The following EIF5 variants were observed in gnomAD, a reference collection of about 807,000 sequenced individuals.
The protein encoded by EIF5 is eukaryotic translation initiation factor 5.
In EIF5, 10 loss-of-function variants were observed where a neutral mutation model predicts 48.3. The ratio of observed to expected loss-of-function variants is 0.21; its 90% CI spans 0.13 to 0.35. The LOEUF (loss-of-function observed/expected upper bound fraction) is 0.35, where lower values mean the gene tolerates loss of function less well. Ranked by LOEUF, EIF5 falls within the 10% of genes least tolerant of loss-of-function variation. The probability of loss-of-function intolerance (pLI) is 1.00; values close to 1 mark genes in which losing one functional copy is unlikely to be tolerated. For synonymous variants in EIF5, 237 were observed against 173.1 expected (o/e 1.37, Z -2.90); for missense variants, 397 against 533.2 (o/e 0.74, Z 2.51).
At chr14:103,337,643 T>C (rs141397866) in intron 6 of EIF5, 4 of 328,842 alleles carry the variant, frequency 1.2e-5, no homozygotes, top group African/African-American at 6.6e-5. Flanking sequence ...CTATATTTTA[T>C]CAAATCTAAG....
Position 103,341,081 on chromosome 14 carries a change from A to G in EIF5, c.*29A>G. 1 of 1,605,384 alleles carries G rather than the reference A, an allele frequency of 6.2e-7. No homozygotes were observed. The highest frequency in any genetic ancestry group is 8.5e-7 in the Non-Finnish European group (1 of 1,172,608). ...GATGGATGCAACCTAGCTTAACAGT[A>G]TAATGCTGCAAATTTTCCTCCATTA... On this transcript the variant is annotated 3_prime_UTR_variant, in exon 12 of 12. Transcript: ENST00000216554.
At position 103,343,781 on chromosome 14, in the gene EIF5, A is replaced by G. The variant is rs925183056; in HGVS notation, c.*2729A>G. On this transcript the variant is annotated 3_prime_UTR_variant, in exon 12 of 12. Coordinates refer to ENST00000216554, the MANE Select transcript of EIF5 (RefSeq NM_001969.5). ...TCAGTCCTCATCGTGGTCCTGAGGCATAGGTACTGTTGTACCAAGGTCACT... is the reference window on the plus strand; with the variant it reads ...TCAGTCCTCATCGTGGTCCTGAGGCGTAGGTACTGTTGTACCAAGGTCACT... 35 of 152,368 alleles carry G rather than the reference A, an allele frequency of 2.3e-4. No homozygotes were observed. Among genetic ancestry groups the G allele is most frequent in the African/African-American group, 7.2e-4 (30 of 41,592 alleles). The allele number at this position is 152,368 out of a possible 1,614,324, so 9.4% of individuals were successfully genotyped here.
chr14:103,340,119 G>C (rs983978605), intron 10 of EIF5, among the ~76,000 whole-genome samples: 1 of 152,194 alleles, frequency 6.6e-6, no homozygotes, highest in Admixed American at 6.5e-5. Flanking sequence ...CCAAAGTGCT[G>C]AGGTTACAGG....
rs576014795 is a variant in EIF5 at position 103,339,951 on chromosome 14, C to T, written c.1071+148C>T. ...TCAGCTCCCTGAAACCTCCACGTCC[C>T]GGCTTCAAGTGATTCTCCTGCCTCA... On this transcript the variant is annotated intron_variant, in intron 10 of 11. Coordinates refer to ENST00000216554, the MANE Select transcript of EIF5 (RefSeq NM_001969.5). 28 of 924,822 alleles carry T rather than the reference C, an allele frequency of 3.0e-5. 1 individual carries two copies. The highest frequency in any genetic ancestry group is 1.0e-4 in the African/African-American group (6 of 59,482). 57.3% of individuals were successfully genotyped at this position (924,822 alleles called of 1,614,324 possible). A position where few individuals can be genotyped will look rare whatever the true frequency, so the allele number is the denominator to read the frequency against.
In EIF5 at chr14:103,335,908, C is replaced by T. The variant is rs1289584087; in HGVS notation, c.48C>T (p.Tyr16=). ...GCGTGTCAGACCAGTTCTATCGCTA[C>T]AAGATGCCCCGTCTGATTGCCAAGG... ...NRSVSDQFYR[Y]KMPRLIAKVE... The change falls in exon 3 of 12, where the codon TAC becomes TAT. Residue 16 remains tyrosine, a synonymous_variant. Transcript: ENST00000216554. 6.2e-7 allele frequency: 1 copy of T among 1,614,226 alleles called. No individual in the cohort carries two copies. The highest frequency in any genetic ancestry group is 2.2e-5 in the East Asian group (1 of 44,886).
rs1320476662 is a variant in EIF5, at chr14:103,342,485, G to A, written c.*1433G>A. On this transcript the variant is annotated 3_prime_UTR_variant, in exon 12 of 12. Transcript: ENST00000216554. ...AAGTGCACAGTGGGAATCGAGAATC[G>A]ATAGGGTTAATTTTGGAGCAGTGGC... 6.6e-6 allele frequency: 1 copy of A among 152,178 alleles called. No homozygotes were observed. The highest frequency in any genetic ancestry group is 1.5e-5 in the Non-Finnish European group (1 of 68,040). The allele number at this position is 152,178 out of a possible 1,614,324, so 9.4% of individuals were successfully genotyped here.
chr14:103,340,342 C>T (rs2089338461), intron 10 of EIF5, 85 bp from the exon 11 acceptor site: 4 of 1,454,680 alleles, frequency 2.7e-6, no homozygotes, highest in African/African-American at 1.4e-5. Context: ...GGACCCAGTC[C>T]CCTCAGCTCA....
At chr14:103,339,487 G>T (rs149719688) in intron 9 of EIF5, 152 bp from the exon 10 acceptor site, 2 of 1,408,232 alleles carry the variant, frequency 1.4e-6, no homozygotes, top group African/African-American at 1.4e-5. Flanking sequence ...CCATACCTAG[G>T]CCCTTACAAA....
In EIF5 at chr14:103,336,795, A is replaced by G. The variant is rs894661980; in HGVS notation, c.273A>G (p.Gly91=). 1 of 1,614,102 alleles carries G rather than the reference A, an allele frequency of 6.2e-7. No individual in the cohort carries two copies. Residue 91 remains glycine, a synonymous_variant, in exon 5 of 12, where the codon GGA becomes GGG. Transcript: ENST00000216554. Reference sequence around the variant, plus strand: ...ATAAGCTGCAAGACATGTTGGATGGATTCATTAAAAAATTTGTTCTCTGTC... The same window carrying G: ...ATAAGCTGCAAGACATGTTGGATGGGTTCATTAAAAAATTTGTTCTCTGTC... ...EANKLQDMLD[G]FIKKFVLCPE...
Position 103,340,322 on chromosome 14 carries a change from A to G in EIF5, c.1072-105A>G, listed in dbSNP as rs112504466. 5.5e-4 allele frequency: 697 copies of G among 1,264,484 alleles called. 4 individuals are homozygous for G. The African/African-American group carries it at 9.1e-3, about 16-fold the overall frequency. The allele number at this position is 1,264,484 out of a possible 1,614,324, so 78.3% of individuals were successfully genotyped here. On this transcript the variant is annotated intron_variant, in intron 10 of 11. Coordinates refer to ENST00000216554, the MANE Select transcript of EIF5 (RefSeq NM_001969.5). ...GTACATTGATTCTGTTTGAGGATTC[A>G]GACTTGTTAGGACCCAGTCCCCTCA...
chr14:103,338,724 T>C lies in EIF5; in HGVS notation c.586-11T>C. 6.2e-7 allele frequency: 1 copy of C among 1,611,336 alleles called. No individual in the cohort carries two copies. Among genetic ancestry groups the C allele is most frequent in the Non-Finnish European group, 8.5e-7 (1 of 1,179,100 alleles). ...AGGCCTTTGATCAAGTAGCTCTGTT[T>C]TCATAAACAGGAAGAAGAGGAGGAT... is the stretch of plus-strand genomic sequence containing the variant. On this transcript the variant is annotated splice_polypyrimidine_tract_variant and intron_variant, in intron 7 of 11. Transcript: ENST00000216554.
chr14:103,334,832 C>G (rs934339550), intron 2 of EIF5: 1 of 151,840 alleles, frequency 6.6e-6, no homozygotes, highest in Non-Finnish European at 1.5e-5. Context: ...TCAGCTGCTG[C>G]ATTTGTGAGT....
rs373264489 is a variant in EIF5, at chr14:103,341,079, G to C, written c.*27G>C. 1.2e-6 allele frequency: 2 copies of C among 1,605,924 alleles called. No homozygotes were observed. The highest frequency in any genetic ancestry group is 8.5e-7 in the Non-Finnish European group (1 of 1,173,240). On this transcript the variant is annotated 3_prime_UTR_variant, in exon 12 of 12. Transcript: ENST00000216554. The stretch of plus-strand genomic sequence containing the variant: ...GGGATGGATGCAACCTAGCTTAACA[G>C]TATAATGCTGCAAATTTTCCTCCAT...
intron 6 of EIF5, 157 bp downstream of exon 6, chr14:103,337,384 C>T (rs984997378): frequency 1.6e-6 from 1 of 609,082 alleles, no homozygotes; most frequent in South Asian, 2.2e-5. Flanking sequence ...GCGGGCACAT[C>T]ACTTGAGGCC....
chr14:103,344,714 A>G lies in EIF5; in HGVS notation c.*3662A>G, dbSNP rs2089393397. On this transcript the variant is annotated 3_prime_UTR_variant, in exon 12 of 12. Transcript: ENST00000216554. ...AAACGGTCAGTTAACTAAAAAATAA[A>G]AATCAAGTCTTTAGGAGAGTAGAAA... 6.6e-6 allele frequency: 1 copy of G among 152,188 alleles called. No homozygotes were observed. The allele number at this position is 152,188 out of a possible 1,614,324, so 9.4% of individuals were successfully genotyped here.
intron 5 of EIF5, 88 bp from the exon 6 acceptor site, chr14:103,337,028 T>A (rs886180752): frequency 3.6e-6 from 5 of 1,379,910 alleles, no homozygotes; most frequent in Non-Finnish European, 4.9e-6. Flanking sequence ...AAGTTTTCTT[T>A]GCATGTGAAG....
At chr14:103,338,079 T>A in intron 6 of EIF5, 1 of 613,820 alleles carries the variant, frequency 1.6e-6, no homozygotes. Flanking sequence ...CATCACTTCA[T>A]CTTACTCTTT....
intron 11 of EIF5, 25 bp downstream of exon 11, chr14:103,340,586 T>C (rs767243582): frequency 2.1e-5 from 33 of 1,601,724 alleles, no homozygotes; most frequent in Non-Finnish European, 2.7e-5. Context: ...AGGAGGGTAT[T>C]GGATACAGTG....
rs778490172 is a variant in EIF5 at position 103,345,001 on chromosome 14, TA to T, written c.*3952del. The T allele has an allele frequency of 3.3e-5, 5 of 152,154 alleles. No homozygotes were observed. Among genetic ancestry groups the T allele is most frequent in the African/African-American group, 1.2e-4 (5 of 41,418 alleles). The allele number at this position is 152,154 out of a possible 1,614,324, so 9.4% of individuals were successfully genotyped here. A position where few individuals can be genotyped will look rare whatever the true frequency, so the allele number is the denominator to read the frequency against. ...AATCTCAGAAAAAAGTAGATTTTAA[TA>T]AAGTGTGAAAGTTGTCAATCAAAGC... is the stretch of plus-strand genomic sequence containing the variant. On this transcript the variant is annotated 3_prime_UTR_variant, in exon 12 of 12. Transcript: ENST00000216554.
Sources: allele counts gnomAD v4.1 joint callset (sites outside exome capture counted in the v4.1 genomes callset), GRCh38; gene constraint gnomAD v4.1.1; transcripts MANE v1.5; gene names NCBI Gene and HGNC (gene_info 2026-07-23, HGNC 2026-07-21).